The following NEDD4L variants were observed in gnomAD, a reference collection of about 807,000 sequenced individuals.
The protein encoded by NEDD4L is E3 ubiquitin-protein ligase NEDD4-like.
In NEDD4L, 54 loss-of-function variants were observed where a neutral mutation model predicts 148.9. The observed-to-expected ratio is 0.36, with a 90% CI of 0.29 to 0.45. The LOEUF is 0.45. Among genes scored for constraint, NEDD4L ranks in the 20% least tolerant of loss-of-function variants. The pLI, the probability that NEDD4L is intolerant of heterozygous loss-of-function variation, is 1.00. For missense variants in NEDD4L, 856 were observed against 1,233.8 expected (o/e 0.69, Z 4.59); for synonymous variants, 433 against 440.7 (o/e 0.98, Z 0.22).
intron 1 of NEDD4L, chr18:58,149,317 G>A: frequency 2.4e-6 from 3 of 1,248,648 alleles, no homozygotes; most frequent in Non-Finnish European, 3.1e-6. Flanking sequence ...TTTGATGTGA[G>A]CCAGTCACAG....
At chr18:58,269,342 T>A (rs1341286541) in intron 5 of NEDD4L, among the ~76,000 whole-genome samples, 1 of 152,086 alleles carries the variant, frequency 6.6e-6, no homozygotes, top group African/African-American at 2.4e-5. Flanking sequence ...GGCTACTGAA[T>A]GGCTCATTTT....
At chr18:58,254,702 C>T (rs550542402) in intron 5 of NEDD4L, among the ~76,000 whole-genome samples, 133 of 152,112 alleles carry the variant, frequency 8.7e-4, no homozygotes, top group Middle Eastern at 6.8e-3. Flanking sequence ...TTCATTTTCT[C>T]TTTGAAAAGG....
At chr18:58,293,073 C>T (rs1439420885) in intron 5 of NEDD4L, among the ~76,000 whole-genome samples, 3 of 152,152 alleles carry the variant, frequency 2.0e-5, no homozygotes, top group East Asian at 1.9e-4. Context: ...TATCCAACTT[C>T]GTAATGTCCA....
In NEDD4L at chr18:58,044,503, G is replaced by A; in HGVS notation, c.-158G>A. The A allele has an allele frequency of 9.8e-7, 1 of 1,017,656 alleles. No individual in the cohort carries two copies. The highest frequency in any genetic ancestry group is 1.3e-6 in the Non-Finnish European group (1 of 785,422). The allele number at this position is 1,017,656 out of a possible 1,614,324, so 63.0% of individuals were successfully genotyped here. On this transcript the variant is annotated 5_prime_UTR_variant, in exon 1 of 31. Coordinates refer to ENST00000400345, the MANE Select transcript of NEDD4L (RefSeq NM_001144967.3). ...GGCAGCGTCCAGGGCGCGCTCTCGG[G>A]CACCCTCACCTGCCGGCGCCCGGCC...
intron 27 of NEDD4L, 59 bp from the exon 28 acceptor site, chr18:58,389,026 A>T: frequency 7.3e-7 from 1 of 1,374,294 alleles, no homozygotes; most frequent in Non-Finnish European, 1.0e-6. Flanking sequence ...GTCATTTCTC[A>T]GTGTGTGATC....
At chr18:58,153,382 C>T (rs1371814155) in intron 1 of NEDD4L, among the ~76,000 whole-genome samples, 1 of 148,492 alleles carries the variant, frequency 6.7e-6, no homozygotes, top group Non-Finnish European at 1.5e-5. Context: ...CCCTGTGGTC[C>T]AGGCTAGAGT....
intron 2 of NEDD4L, among the ~76,000 whole-genome samples, chr18:58,228,244 C>G (rs1178690836): frequency 7.0e-6 from 1 of 142,156 alleles, no homozygotes; most frequent in Non-Finnish European, 1.5e-5. Flanking sequence ...CAGAAATGGA[C>G]ACATAAGTAA....
chr18:58,101,812 T>G (rs1240373850), intron 1 of NEDD4L, among the ~76,000 whole-genome samples: 1 of 152,194 alleles, frequency 6.6e-6, no homozygotes, highest in Non-Finnish European at 1.5e-5. Context: ...AGAGAGAGAA[T>G]GAGCCAGGAT....
intron 15 of NEDD4L, among the ~76,000 whole-genome samples, chr18:58,342,015 G>T (rs1412873418): frequency 6.6e-6 from 1 of 152,142 alleles, no homozygotes; most frequent in Non-Finnish European, 1.5e-5. Context: ...TTCTCATTTG[G>T]CTAAGGCCGT....
chr18:58,207,333 G>C (rs1311103281), intron 2 of NEDD4L, among the ~76,000 whole-genome samples: 1 of 146,236 alleles, frequency 6.8e-6, no homozygotes, highest in African/African-American at 2.5e-5. Flanking sequence ...TTTTTTTTCT[G>C]GGAAATTGGA....
chr18:58,119,835 G>A (rs1039915124), intron 1 of NEDD4L, among the ~76,000 whole-genome samples: 4 of 152,202 alleles, frequency 2.6e-5, no homozygotes, highest in African/African-American at 7.2e-5. Context: ...TTGGTCGGGG[G>A]CTGGCAGGCC....
intron 5 of NEDD4L, chr18:58,255,921 C>T: frequency 8.1e-7 from 1 of 1,231,838 alleles, no homozygotes; most frequent in East Asian, 3.2e-5. Flanking sequence ...GTGCAGATCT[C>T]CCTGCAGCGC....
intron 1 of NEDD4L, among the ~76,000 whole-genome samples, chr18:58,111,294 C>G (rs2085405065): frequency 6.6e-6 from 1 of 152,174 alleles, no homozygotes; most frequent in Non-Finnish European, 1.5e-5. Context: ...TCTTGAACTC[C>G]TGACCTCAGG....
At chr18:58,078,356 A>T (rs567016736) in intron 1 of NEDD4L, among the ~76,000 whole-genome samples, 1 of 152,360 alleles carries the variant, frequency 6.6e-6, no homozygotes, top group East Asian at 1.9e-4. Context: ...AAAGAAAAAC[A>T]GAACATGATG....
At position 58,256,949 on chromosome 18, in the gene NEDD4L, G is replaced by A. The variant is rs1323838316; in HGVS notation, c.297+4895G>A. Among the ~76,000 whole-genome samples the A allele has an allele frequency of 6.6e-6, 1 of 152,178 alleles. No individual in the cohort carries two copies. The highest frequency in any genetic ancestry group is 2.4e-5 in the African/African-American group (1 of 41,432). ...TGATTTGTGGTCCAGTGTTTGGTGC[G>A]CAAAACACCATTTCTGCAAATGTCT... On this transcript the variant is annotated intron_variant, in intron 5 of 30. Transcript: ENST00000400345. The surrounding 1 kb of genome is among the most constrained non-coding windows in gnomAD (Gnocchi z 5.2).
At chr18:58,056,907 T>TTTTTTTTTTTTG (rs1555677525) in intron 1 of NEDD4L, among the ~76,000 whole-genome samples, 1 of 148,058 alleles carries the variant, frequency 6.8e-6, no homozygotes. Context: ...TTTTTTTTTT[T>TTTTTTTTTTTTG]TTTGTTTGTT....
intron 2 of NEDD4L, among the ~76,000 whole-genome samples, chr18:58,187,074 G>A (rs2039557790): frequency 6.6e-6 from 1 of 152,232 alleles, no homozygotes. Flanking sequence ...GCAGGCAGTG[G>A]AGAAGGCCAC....
At chr18:58,090,597 C>T (rs532709440) in intron 1 of NEDD4L, among the ~76,000 whole-genome samples, 1 of 152,334 alleles carries the variant, frequency 6.6e-6, no homozygotes, top group South Asian at 2.1e-4. Context: ...CCTGCCTCAG[C>T]CTCCCAAATA....
intron 21 of NEDD4L, among the ~76,000 whole-genome samples, chr18:58,367,463 A>G (rs530217921): frequency 2.0e-5 from 3 of 152,298 alleles, no homozygotes; most frequent in Non-Finnish European, 4.4e-5. Flanking sequence ...TCTCCCCAAG[A>G]TATTTGGCTG....
Sources: allele counts gnomAD v4.1 joint callset (sites outside exome capture counted in the v4.1 genomes callset), GRCh38; gene constraint gnomAD v4.1.1; non-coding constraint Gnocchi (gnomAD v3.1); transcripts MANE v1.5; gene names NCBI Gene and HGNC (gene_info 2026-07-23, HGNC 2026-07-21).